DCC: variants seen among roughly 807,000 people sequenced by gnomAD.
DCC encodes the protein netrin receptor DCC.
Under a neutral mutation model 172.5 loss-of-function variants are expected in DCC, and 58 were observed. The observed-to-expected ratio is 0.34, with a 90% confidence interval of 0.27 to 0.42. The LOEUF (loss-of-function observed/expected upper bound fraction) is 0.42, where lower values mean the gene tolerates loss of function less well. Ranked by LOEUF, DCC falls within the 10% of genes least tolerant of loss-of-function variation. DCC has a pLI of 1.00. For synonymous variants in DCC, 709 were observed against 644.5 expected, an observed-to-expected ratio of 1.10 and a Z score of -1.52; for missense variants, 1,740 against 1,791.0, an observed-to-expected ratio of 0.97 and a Z score of 0.51.
intron 6 of DCC, 126 bp from the exon 7 acceptor site, chr18:53,065,920 C>A: frequency 9.2e-7 from 1 of 1,087,010 alleles, no homozygotes; most frequent in Non-Finnish European, 1.4e-6. Context: ...AGGCTGAGAC[C>A]CCTCATGGCC....
At chr18:52,872,524 T>C (rs964959412) in intron 2 of DCC, among the ~76,000 whole-genome samples, 5 of 152,188 alleles carry the variant, frequency 3.3e-5, no homozygotes, top group Admixed American at 2.0e-4. Flanking sequence ...TCTCAAAATA[T>C]GCCAAAGTAT....
At chr18:53,091,473 C>A (rs1240336671) in intron 7 of DCC, among the ~76,000 whole-genome samples, 1 of 150,958 alleles carries the variant, frequency 6.6e-6, no homozygotes, top group Non-Finnish European at 1.5e-5. Flanking sequence ...GGCTTATGCA[C>A]AACATAAATT....
At chr18:52,781,970 G>A (rs80118519) in intron 2 of DCC, among the ~76,000 whole-genome samples, 8,033 of 152,036 alleles carry the variant, frequency 0.053, 286 homozygotes, top group South Asian at 0.16. Context: ...TGAATATACA[G>A]GGAGAAATTT....
chr18:52,487,680 G>A (rs1014276141), intron 1 of DCC, among the ~76,000 whole-genome samples: 1 of 151,852 alleles, frequency 6.6e-6, no homozygotes, highest in Non-Finnish European at 1.5e-5. Context: ...GTGTGCTGGT[G>A]TATGCCTGCA....
intron 14 of DCC, among the ~76,000 whole-genome samples, chr18:53,334,660 T>A (rs1020259577): frequency 1.3e-5 from 2 of 152,178 alleles, no homozygotes; most frequent in African/African-American, 4.8e-5. Context: ...GGGTACCTCA[T>A]AAAAGGAGAT....
chr18:53,220,095 C>A (rs934729677), intron 12 of DCC, among the ~76,000 whole-genome samples: 1 of 151,860 alleles, frequency 6.6e-6, no homozygotes, highest in South Asian at 2.1e-4. Context: ...GCATATGACT[C>A]CTAGTGGGAA....
chr18:53,185,584 G>A (rs1302663151), intron 9 of DCC, among the ~76,000 whole-genome samples: 2 of 152,090 alleles, frequency 1.3e-5, no homozygotes, highest in African/African-American at 4.8e-5. Context: ...TCTCTCTTGT[G>A]AGCCACATCT....
intron 2 of DCC, among the ~76,000 whole-genome samples, chr18:52,774,031 G>C (rs775689477): frequency 1.3e-4 from 20 of 152,232 alleles, no homozygotes; most frequent in Non-Finnish European, 2.5e-4. Flanking sequence ...GTGGGGCCTG[G>C]CAAACCACTC....
chr18:53,097,786 G>T (rs143707689), intron 7 of DCC, among the ~76,000 whole-genome samples: 3 of 152,040 alleles, frequency 2.0e-5, no homozygotes, highest in Admixed American at 6.6e-5. Flanking sequence ...CTGTGTCTTC[G>T]CATGACTTTC....
chr18:53,419,668 G>C (rs1035039852), intron 21 of DCC, among the ~76,000 whole-genome samples: 6 of 152,006 alleles, frequency 3.9e-5, no homozygotes, highest in Admixed American at 2.6e-4. Context: ...TTACAGGAGT[G>C]ACTCACTTAA....
chr18:53,274,482 T>C (rs1186133201), intron 12 of DCC, among the ~76,000 whole-genome samples: 2 of 152,178 alleles, frequency 1.3e-5, no homozygotes, highest in Non-Finnish European at 1.5e-5. Context: ...TTTCCAGGTA[T>C]GAAGTAAGTG....
chr18:52,426,404 A>G (rs1052575560), intron 1 of DCC, among the ~76,000 whole-genome samples: 2 of 151,800 alleles, frequency 1.3e-5, no homozygotes, highest in African/African-American at 4.8e-5. Context: ...GTAAACTTAA[A>G]CATACGTGGT....
intron 1 of DCC, among the ~76,000 whole-genome samples, chr18:52,512,524 A>G (rs1235188742): frequency 6.6e-6 from 1 of 152,224 alleles, no homozygotes; most frequent in Non-Finnish European, 1.5e-5. Context: ...ATTAAATTTG[A>G]TAATGGATGT....
chr18:53,226,081 C>T (rs760721812), intron 12 of DCC, among the ~76,000 whole-genome samples: 4 of 152,130 alleles, frequency 2.6e-5, no homozygotes, highest in Non-Finnish European at 5.9e-5. Context: ...AGATAATATG[C>T]CCCAGTGTCA....
At chr18:53,384,467 G>A (rs985470724) in intron 15 of DCC, among the ~76,000 whole-genome samples, 3 of 151,686 alleles carry the variant, frequency 2.0e-5, no homozygotes, top group Admixed American at 6.6e-5. Flanking sequence ...CTGTACGTTA[G>A]ATCTTCCTTC....
intron 25 of DCC, among the ~76,000 whole-genome samples, chr18:53,477,725 ATCT>A (rs2045783103): frequency 6.6e-6 from 1 of 152,194 alleles, no homozygotes; most frequent in African/African-American, 2.4e-5. Flanking sequence ...GGAAGGCAGA[ATCT>A]TCTTATTTGT....
At position 52,513,070 on chromosome 18, in the gene DCC, T is replaced by C. The variant is rs1233000821; in HGVS notation, c.91+172192T>C. ...CTAAAGAGAACTGCTCTTGCTCCTCTGAGTTGAAAAACTATAGGTGGAACA... is the reference window on the plus strand; with the variant it reads ...CTAAAGAGAACTGCTCTTGCTCCTCCGAGTTGAAAAACTATAGGTGGAACA... On this transcript the variant is annotated intron_variant, in intron 1 of 28. Coordinates refer to ENST00000442544, the MANE Select transcript of DCC (RefSeq NM_005215.4). Among the ~76,000 whole-genome samples, 3 of 152,134 alleles carry C rather than the reference T, an allele frequency of 2.0e-5. No individual in the cohort carries two copies. The East Asian group carries it at 5.8e-4, about 29-fold the overall frequency.
intron 5 of DCC, among the ~76,000 whole-genome samples, chr18:53,009,137 T>C (rs2041690593): frequency 6.6e-6 from 1 of 151,922 alleles, no homozygotes; most frequent in African/African-American, 2.4e-5. Context: ...CTGGGAGGAA[T>C]TTTATATATC....
chr18:53,432,771 C>A (rs1205614942), intron 21 of DCC, among the ~76,000 whole-genome samples: 1 of 151,602 alleles, frequency 6.6e-6, no homozygotes, highest in African/African-American at 2.4e-5. Flanking sequence ...TATGTATTGG[C>A]CACATAAAGG....
Sources: allele counts gnomAD v4.1 joint callset (sites outside exome capture counted in the v4.1 genomes callset), GRCh38; gene constraint gnomAD v4.1.1; transcripts MANE v1.5; gene names NCBI Gene and HGNC (gene_info 2026-07-23, HGNC 2026-07-21).